AHRR: variants seen among roughly 807,000 people sequenced by gnomAD.
The protein encoded by AHRR is aryl hydrocarbon receptor repressor.
Under a neutral mutation model 44.0 loss-of-function variants are expected in AHRR, and 28 were observed. The ratio of observed to expected loss-of-function variants is 0.64; its 90% CI spans 0.47 to 0.87. AHRR has a LOEUF of 0.87. Ranked by LOEUF, AHRR falls within the 40% of genes least tolerant of loss-of-function variation. The pLI is 0.00. For missense variants in AHRR, 990 were observed against 953.9 expected, an observed-to-expected ratio of 1.04 and a Z score of -0.50; for synonymous variants, 434 against 407.0, an observed-to-expected ratio of 1.07 and a Z score of -0.80.
intron 2 of AHRR, among the ~76,000 whole-genome samples, chr5:347,922 G>T (rs1429513408): frequency 6.6e-6 from 1 of 152,220 alleles, no homozygotes; most frequent in Non-Finnish European, 1.5e-5. Context: ...GCTCTGGTCT[G>T]CCCAGCTCCT....
At chr5:397,680 T>TGTAGCCCCTGACCATCCAC (rs1734795845) in intron 4 of AHRR, among the ~76,000 whole-genome samples, 3 of 78,176 alleles carry the variant, frequency 3.8e-5, no homozygotes, top group African/African-American at 5.7e-5. Context: ...TGACCATCCA[T>TGTAGCCCCTGACCATCCAC]GTAGCCCCTG....
intron 3 of AHRR, among the ~76,000 whole-genome samples, chr5:360,133 G>A (rs992528307): frequency 6.6e-6 from 1 of 152,118 alleles, no homozygotes; most frequent in Non-Finnish European, 1.5e-5. Context: ...AAGTGGGGGT[G>A]GGGGGTGGCC....
intron 4 of AHRR, among the ~76,000 whole-genome samples, chr5:410,537 G>C (rs773310429): frequency 8.0e-6 from 1 of 124,312 alleles, no homozygotes; most frequent in East Asian, 2.1e-4. Flanking sequence ...TCAGCTTGTC[G>C]CTTTCTATAA....
rs73730809 is a variant in AHRR, at chr5:406,184, C to T, written c.352-7160C>T. Among the ~76,000 whole-genome samples, 3,444 of 152,320 alleles carry T rather than the reference C, an allele frequency of 0.023. 118 individuals are homozygous for T. Among genetic ancestry groups the T allele is most frequent in the African/African-American group, 0.08 (3,314 of 41,566 alleles). On this transcript the variant is annotated intron_variant, in intron 4 of 10. Coordinates refer to ENST00000684583, the MANE Select transcript of AHRR (RefSeq NM_001377236.1). This position sits in a 1 kb window ranked among gnomAD's most constrained non-coding sequence, Gnocchi z 4.7. The stretch of plus-strand genomic sequence containing the variant: ...GGAACCTGCCACAGCTGGGCTTGGG[C>T]GAGGGGCCCACGGTGTCGCTGGGGA...
At chr5:377,064 A>G (rs1733747791) in intron 4 of AHRR, among the ~76,000 whole-genome samples, 1 of 151,884 alleles carries the variant, frequency 6.6e-6, no homozygotes, top group East Asian at 1.9e-4. Flanking sequence ...TTTTCCCCCA[A>G]AATGAAGGAT....
At chr5:429,473 C>A (rs553456920) in intron 8 of AHRR, among the ~76,000 whole-genome samples, 1 of 147,682 alleles carries the variant, frequency 6.8e-6, no homozygotes, top group Non-Finnish European at 1.5e-5. Context: ...GAGGGGTGGT[C>A]TGGGCCGGCC....
At chr5:391,194 A>C (rs1282649348) in intron 4 of AHRR, among the ~76,000 whole-genome samples, 1 of 152,238 alleles carries the variant, frequency 6.6e-6, no homozygotes, top group African/African-American at 2.4e-5. Flanking sequence ...AAGCAACTCC[A>C]GGCCAACAGG....
chr5:353,786 T>A lies in AHRR; in HGVS notation c.119T>A (p.Leu40His). 8 of 1,613,634 alleles carry A rather than the reference T, an allele frequency of 5.0e-6. No individual in the cohort carries two copies. The highest frequency in any genetic ancestry group is 6.8e-6 in the Non-Finnish European group (8 of 1,179,956). Residue 40 changes from leucine to histidine, a missense_variant, in exon 3 of 11, where the codon CTC (leucine) becomes CAC (histidine). Transcript: ENST00000684583. The part of the protein sequence containing the change: ...SNPSKRHRDR[L>H]NAELDHLASL... ...CCCTCCAAGCGACACCGGGACCGCC[T>A]CAACGCCGAGTTGGACCACCTGGCC... is the stretch of plus-strand genomic sequence containing the variant.
chr5:418,148 A>C (rs550553954), intron 5 of AHRR, among the ~76,000 whole-genome samples: 2 of 152,344 alleles, frequency 1.3e-5, no homozygotes, highest in East Asian at 3.9e-4. Flanking sequence ...AGCATATTGA[A>C]ATTGGAAATG....
intron 4 of AHRR, among the ~76,000 whole-genome samples, chr5:379,265 G>C (rs967565885): frequency 1.2e-4 from 18 of 152,250 alleles, no homozygotes; most frequent in African/African-American, 4.3e-4. Context: ...ACGGTGCTGC[G>C]GGCCGCTGGT....
At position 398,322 on chromosome 5, in the gene AHRR, G is replaced by A. The variant is rs370548439; in HGVS notation, c.352-15022G>A. 3.1e-3 allele frequency among the ~76,000 whole-genome samples: 470 copies of A among 151,852 alleles called. 4 individuals are homozygous for A. Among genetic ancestry groups the A allele is most frequent in the African/African-American group, 0.011 (447 of 41,386 alleles). On this transcript the variant is annotated intron_variant, in intron 4 of 10. Coordinates refer to ENST00000684583, the MANE Select transcript of AHRR (RefSeq NM_001377236.1). Reference sequence around the variant, plus strand: ...GCCCCTGACCTTCCGCGTTAGCCCCGACATTCCGCGTTAGCCCCAACCGTA... The same window carrying A: ...GCCCCTGACCTTCCGCGTTAGCCCCAACATTCCGCGTTAGCCCCAACCGTA...
chr5:353,640 A>C lies in AHRR; in HGVS notation c.63-90A>C. 4.0e-6 allele frequency: 5 copies of C among 1,235,932 alleles called. No individual in the cohort carries two copies. In the East Asian group the frequency reaches 1.2e-4, roughly 29 times the overall value. 76.6% of individuals were successfully genotyped at this position (1,235,932 alleles called of 1,614,324 possible). A position where few individuals can be genotyped will look rare whatever the true frequency, so the allele number is the denominator to read the frequency against. On this transcript the variant is annotated intron_variant, in intron 2 of 10. Transcript: ENST00000684583. The stretch of plus-strand genomic sequence containing the variant: ...TCCTGGCAGCAGCGTAGATGCTCCT[A>C]GTAAGGTCACTGCAGAGGACGGTTT...
chr5:402,845 A>G (rs1057342192), intron 4 of AHRR, among the ~76,000 whole-genome samples: 2 of 152,346 alleles, frequency 1.3e-5, no homozygotes, highest in South Asian at 2.1e-4. Context: ...TGTATACACC[A>G]TGGAATCCTG....
chr5:345,576 G>A (rs1357406256), intron 2 of AHRR, among the ~76,000 whole-genome samples: 1 of 150,384 alleles, frequency 6.6e-6, no homozygotes, highest in East Asian at 2.0e-4. Flanking sequence ...GTGTGGGTGT[G>A]TGTGGGTGTG....
chr5:433,752 C>A, intron 10 of AHRR, 101 bp from the exon 11 acceptor site: 1 of 1,298,494 alleles, frequency 7.7e-7, no homozygotes, highest in South Asian at 2.0e-5. Flanking sequence ...GCAGATTTAG[C>A]ATCGTCCTGA....
intron 1 of AHRR, among the ~76,000 whole-genome samples, chr5:324,053 C>G (rs903965626): frequency 7.4e-6 from 1 of 135,950 alleles, no homozygotes; most frequent in Non-Finnish European, 1.5e-5. Flanking sequence ...CTTTCTCTCT[C>G]TCTCTCTTTC....
Position 337,925 on chromosome 5 carries a change from G to A in AHRR, c.-10-5968G>A, listed in dbSNP as rs543338957. Among the ~76,000 whole-genome samples the A allele has an allele frequency of 7.2e-5, 11 of 152,218 alleles. No individual in the cohort carries two copies. Among genetic ancestry groups the A allele is most frequent in the Non-Finnish European group, 1.6e-4 (11 of 68,046 alleles). ...CTTCCTGCTGGGCTCCTCTAGGACC[G>A]TATTCAGGCCAGTGCAACATCATGC... On this transcript the variant is annotated intron_variant, in intron 1 of 10. Coordinates refer to ENST00000684583, the MANE Select transcript of AHRR (RefSeq NM_001377236.1). The surrounding 1 kb of genome is among the most constrained non-coding windows in gnomAD (Gnocchi z 4.1).
chr5:369,001 GA>G lies in AHRR; in HGVS notation c.245-7608del, dbSNP rs539574789. 1.6e-4 allele frequency among the ~76,000 whole-genome samples: 24 copies of G among 152,336 alleles called. No homozygotes were observed. The East Asian group carries it at 4.4e-3, about 28-fold the overall frequency. On this transcript the variant is annotated intron_variant, in intron 3 of 10. Coordinates refer to ENST00000684583, the MANE Select transcript of AHRR (RefSeq NM_001377236.1). ...TTTGTAAATATCGTGTCTGTGAAAT[GA>G]GTGTGTTTATTTATACTCCTGATGC... is the stretch of plus-strand genomic sequence containing the variant.
rs1737087693 is a variant in AHRR, at chr5:436,600, C to G, written c.*1766C>G. On this transcript the variant is annotated 3_prime_UTR_variant, in exon 11 of 11. Transcript: ENST00000684583. ...AGAGTCACAGATCCATCGTGGCCCC[C>G]TATGACCCCCAAGCCCTACCGAGGG... 6.6e-6 allele frequency: 1 copy of G among 152,486 alleles called. No homozygotes were observed. Among genetic ancestry groups the G allele is most frequent in the African/African-American group, 2.4e-5 (1 of 41,446 alleles). The allele number at this position is 152,486 out of a possible 1,614,324, so 9.4% of individuals were successfully genotyped here.
Sources: gnomAD v4.1 joint callset for allele counts (sites outside exome capture counted in the v4.1 genomes callset) on GRCh38, gnomAD v4.1.1 for gene constraint, Gnocchi (gnomAD v3.1) non-coding constraint, MANE v1.5 for transcripts, NCBI Gene and HGNC (gene_info 2026-07-23, HGNC 2026-07-21) for gene names.